Variants in FANCC observed in about 807,000 individuals in gnomAD.
The protein encoded by FANCC is Fanconi anemia group C protein.
FANCC carries 55 observed loss-of-function variants against 71.3 expected under a neutral mutation model. That is an observed-to-expected ratio of 0.77 (90% CI 0.62 to 0.97). The LOEUF is 0.97. Among genes scored for constraint, FANCC ranks in the 50% least tolerant of loss-of-function variants. FANCC has a pLI of 0.00. For synonymous variants in FANCC, 275 were observed against 244.9 expected (o/e 1.12, Z -1.15); for missense variants, 678 against 670.9 (o/e 1.01, Z -0.12).
chr9:95,315,890 T>C (rs1835707778), intron 1 of FANCC, among the ~76,000 whole-genome samples: 1 of 152,230 alleles, frequency 6.6e-6, no homozygotes. Flanking sequence ...CCTGCTGAAA[T>C]ATGGAACTGG....
intron 1 of FANCC, among the ~76,000 whole-genome samples, chr9:95,250,933 TC>T (rs777966851): frequency 6.6e-6 from 1 of 151,976 alleles, no homozygotes; most frequent in Non-Finnish European, 1.5e-5. Context: ...AAACTTAAAC[TC>T]CCCGTAGATA....
At chr9:95,141,984 G>GTTTTTT (rs1828776487) in intron 7 of FANCC, among the ~76,000 whole-genome samples, 1 of 97,766 alleles carries the variant, frequency 1.0e-5, no homozygotes, top group Non-Finnish European at 2.1e-5. Flanking sequence ...CAGTTTGTGG[G>GTTTTTT]GTTTTTTTTT....
chr9:95,258,247 T>C (rs1396915307), intron 1 of FANCC, among the ~76,000 whole-genome samples: 3 of 152,050 alleles, frequency 2.0e-5, no homozygotes, highest in African/African-American at 7.2e-5. Flanking sequence ...AAAAAGAAAA[T>C]TTCAGGCCAA....
At chr9:95,303,360 G>C (rs1220737432) in intron 1 of FANCC, among the ~76,000 whole-genome samples, 1 of 152,142 alleles carries the variant, frequency 6.6e-6, no homozygotes, top group African/African-American at 2.4e-5. Flanking sequence ...TTCAAAAAGG[G>C]ACCAGTCAAA....
At chr9:95,112,386 G>A (rs2072017079) in intron 12 of FANCC, among the ~76,000 whole-genome samples, 2 of 152,186 alleles carry the variant, frequency 1.3e-5, no homozygotes, top group South Asian at 2.1e-4. Context: ...CTTCCTGCAT[G>A]TTCCTCTGCC....
At chr9:95,114,258 A>G (rs1287257187) in intron 12 of FANCC, 1 of 347,488 alleles carries the variant, frequency 2.9e-6, no homozygotes, top group Admixed American at 3.8e-5. Context: ...CAGGACCCAA[A>G]CAAGTGCCCT....
chr9:95,118,065 C>G (rs575965779), intron 10 of FANCC, among the ~76,000 whole-genome samples: 1 of 152,074 alleles, frequency 6.6e-6, no homozygotes, highest in Admixed American at 6.5e-5. Flanking sequence ...GTTGCGCAGG[C>G]TGGAGTGCAG....
chr9:95,213,560 C>A (rs535247458), intron 4 of FANCC, among the ~76,000 whole-genome samples: 1 of 152,108 alleles, frequency 6.6e-6, no homozygotes, highest in African/African-American at 2.4e-5. Flanking sequence ...GGGGAAAAGA[C>A]AGCCTTTGCA....
At chr9:95,105,956 C>A (rs1033736615) in intron 14 of FANCC, among the ~76,000 whole-genome samples, 1 of 152,256 alleles carries the variant, frequency 6.6e-6, no homozygotes, top group African/African-American at 2.4e-5. Context: ...GCCCTCCAGC[C>A]CCTGCTTTCG....
chr9:95,316,175 G>A (rs568068711), intron 1 of FANCC, among the ~76,000 whole-genome samples: 1 of 152,312 alleles, frequency 6.6e-6, no homozygotes, highest in East Asian at 1.9e-4. Flanking sequence ...CTCTATTACT[G>A]GGAGTAGTGG....
At chr9:95,171,018 C>T (rs1825643550) in intron 6 of FANCC, 61 bp downstream of exon 6, 2 of 1,354,218 alleles carry the variant, frequency 1.5e-6, no homozygotes, top group Admixed American at 1.7e-5. Context: ...AAATTTTCCT[C>T]TCATAACCAA....
intron 4 of FANCC, among the ~76,000 whole-genome samples, chr9:95,183,897 A>C (rs1404688615): frequency 6.6e-6 from 1 of 152,250 alleles, no homozygotes; most frequent in Non-Finnish European, 1.5e-5. Flanking sequence ...GGTTAGTAAA[A>C]GAAAGCTTTT....
rs376947725 is a variant in FANCC at position 95,172,003 on chromosome 9, A to C, written c.456+34T>G. ...TTTGCTGATGGCACATTCAGCATTAAACATTTCAAAAGTGATAAATTTTAA... is the reference window on the plus strand; with the variant it reads ...TTTGCTGATGGCACATTCAGCATTACACATTTCAAAAGTGATAAATTTTAA... On this transcript the variant is annotated intron_variant, in intron 5 of 14. Transcript: ENST00000289081. 85 of 1,296,116 alleles carry C rather than the reference A, an allele frequency of 6.6e-5. No individual in the cohort carries two copies. The African/African-American group carries it at 1.1e-3, about 16-fold the overall frequency. The allele number at this position is 1,296,116 out of a possible 1,614,324, so 80.3% of individuals were successfully genotyped here.
At chr9:95,205,992 C>CA (rs529578419) in intron 4 of FANCC, among the ~76,000 whole-genome samples, 78 of 152,116 alleles carry the variant, frequency 5.1e-4, no homozygotes, top group Non-Finnish European at 9.4e-4. Context: ...CTCCAAAGAG[C>CA]AAAATATCCT....
intron 1 of FANCC, among the ~76,000 whole-genome samples, chr9:95,268,517 A>G (rs758071084): frequency 2.0e-5 from 3 of 152,224 alleles, no homozygotes; most frequent in Non-Finnish European, 4.4e-5. Context: ...TCTTCTCTGA[A>G]GCTTAAACAG....
At chr9:95,244,766 G>A (rs991472385) in intron 3 of FANCC, among the ~76,000 whole-genome samples, 1 of 149,726 alleles carries the variant, frequency 6.7e-6, no homozygotes, top group Admixed American at 6.7e-5. Context: ...AAGTGAAGCT[G>A]GCTAGTGGGA....
chr9:95,293,382 G>C (rs1254681073), intron 1 of FANCC: 1 of 1,586,166 alleles, frequency 6.3e-7, no homozygotes, highest in East Asian at 2.2e-5. Flanking sequence ...GCCCTTGTCA[G>C]TAGGAACCCT....
At position 95,296,503 on chromosome 9, in the gene FANCC, C is replaced by CTT. The variant is rs4647381; in HGVS notation, c.-79+21021_-79+21022dup. On this transcript the variant is annotated intron_variant, in intron 1 of 14. Transcript: ENST00000289081. ...ACCAAATCCACAGAGCTTTGTTAGG[C>CTT]TTTTTTTTTTAATCTAAGGGTAATT... is the stretch of plus-strand genomic sequence containing the variant. Among the ~76,000 whole-genome samples the CTT allele has an allele frequency of 2.0e-4, 30 of 148,430 alleles. No homozygotes were observed. The South Asian group carries it at 2.4e-3, about 12-fold the overall frequency.
At chr9:95,141,339 A>G (rs1482873481) in intron 7 of FANCC, among the ~76,000 whole-genome samples, 2 of 128,902 alleles carry the variant, frequency 1.6e-5, no homozygotes, top group Non-Finnish European at 3.4e-5. Context: ...AAAAAAAAAA[A>G]GGATGTGAGG....
Sources: allele counts gnomAD v4.1 joint callset (sites outside exome capture counted in the v4.1 genomes callset), GRCh38; gene constraint gnomAD v4.1.1; transcripts MANE v1.5; gene names NCBI Gene and HGNC (gene_info 2026-07-23, HGNC 2026-07-21).